The following ADAM10 variants were observed in gnomAD, a reference collection of about 807,000 sequenced individuals.
ADAM10 encodes the protein disintegrin and metalloproteinase domain-containing protein 10.
Under a neutral mutation model 90.1 loss-of-function variants are expected in ADAM10, and 17 were observed. That is an observed-to-expected ratio of 0.19 (90% CI 0.13 to 0.28). ADAM10 has a LOEUF of 0.28. Ranked by LOEUF, ADAM10 falls within the 10% of genes least tolerant of loss-of-function variation. ADAM10 has a pLI of 1.00. For missense variants in ADAM10, 610 were observed against 914.3 expected, an observed-to-expected ratio of 0.67 and a Z score of 4.29; for synonymous variants, 310 against 298.6, an observed-to-expected ratio of 1.04 and a Z score of -0.40.
intron 2 of ADAM10, among the ~76,000 whole-genome samples, chr15:58,689,264 T>C (rs778045069): frequency 5.3e-5 from 8 of 152,190 alleles, no homozygotes; most frequent in East Asian, 1.9e-4. Context: ...GGTGGGCAGA[T>C]TGCCTTAGCT....
intron 1 of ADAM10, among the ~76,000 whole-genome samples, chr15:58,738,430 A>G (rs1160715728): frequency 6.6e-6 from 1 of 152,208 alleles, no homozygotes; most frequent in African/African-American, 2.4e-5. Flanking sequence ...TACTTCTACA[A>G]TGTGAATTCA....
chr15:58,640,976 A>G lies in ADAM10; in HGVS notation c.829-16T>C. 6.2e-7 allele frequency: 1 copy of G among 1,605,230 alleles called. No individual in the cohort carries two copies. Among genetic ancestry groups the G allele is most frequent in the Non-Finnish European group, 8.5e-7 (1 of 1,171,938 alleles). On this transcript the variant is annotated splice_polypyrimidine_tract_variant and intron_variant, in intron 7 of 15. Coordinates refer to ENST00000260408, the MANE Select transcript of ADAM10 (RefSeq NM_001110.4). ...TTGTATTGATCTAAAATCCAAAACA[A>G]TAATTTAGTAAGTAATTAATGTTAG...
At chr15:58,637,950 T>A (rs1460343644) in intron 8 of ADAM10, among the ~76,000 whole-genome samples, 2 of 150,988 alleles carry the variant, frequency 1.3e-5, no homozygotes, top group East Asian at 1.9e-4. Context: ...AAAAAAAAAA[T>A]GTCAAATATG....
intron 1 of ADAM10, chr15:58,748,999 CG>C: frequency 2.5e-6 from 1 of 399,318 alleles, no homozygotes; most frequent in Non-Finnish European, 4.4e-6. Flanking sequence ...CGGGTCTCGG[CG>C]GCGGAGAGGA....
intron 11 of ADAM10, among the ~76,000 whole-genome samples, chr15:58,618,195 A>T (rs1401723201): frequency 6.6e-6 from 1 of 151,848 alleles, no homozygotes; most frequent in Non-Finnish European, 1.5e-5. Context: ...AATGAAACAG[A>T]ATAGAGAATT....
intron 8 of ADAM10, among the ~76,000 whole-genome samples, chr15:58,636,519 A>G (rs1274643933): frequency 6.6e-6 from 1 of 152,214 alleles, no homozygotes; most frequent in Non-Finnish European, 1.5e-5. Context: ...AGATTTTACT[A>G]TACATATATT....
In ADAM10 at chr15:58,610,401, C is replaced by T; in HGVS notation, c.1921G>A (p.Val641Ile). 6.2e-7 allele frequency: 1 copy of T among 1,614,208 alleles called. No homozygotes were observed. Among genetic ancestry groups the T allele is most frequent in the Non-Finnish European group, 8.5e-7 (1 of 1,180,040 alleles). Reference sequence around the variant, plus strand: ...TCTACTAATCTGCACCGCATGAAAACATCACAGTAACCTCTAAAATCGTTG... The same window carrying T: ...TCTACTAATCTGCACCGCATGAAAATATCACAGTAACCTCTAAAATCGTTG... Reference protein sequence around the residue: ...PCNDFRGYCDVFMRCRLVDAD... With the variant: ...PCNDFRGYCDIFMRCRLVDAD... Residue 641 changes from valine (V) to isoleucine (I), a missense_variant, in exon 14 of 16, where the codon GTT becomes ATT. Coordinates refer to ENST00000260408, the MANE Select transcript of ADAM10 (RefSeq NM_001110.4).
At chr15:58,630,092 C>T (rs557823193) in intron 9 of ADAM10, among the ~76,000 whole-genome samples, 1 of 152,214 alleles carries the variant, frequency 6.6e-6, no homozygotes, top group South Asian at 2.1e-4. Flanking sequence ...TACAGTTATA[C>T]ACACCTTTCT....
At chr15:58,727,211 A>T (rs1167061142) in intron 1 of ADAM10, among the ~76,000 whole-genome samples, 1 of 89,942 alleles carries the variant, frequency 1.1e-5, no homozygotes, top group Non-Finnish European at 2.0e-5. Context: ...TTTTTCCCAA[A>T]AACAGCGTTT....
Position 58,703,259 on chromosome 15 carries a change from C to T in ADAM10, c.206+14318G>A, listed in dbSNP as rs146845780. 3.6e-3 allele frequency among the ~76,000 whole-genome samples: 515 copies of T among 142,286 alleles called. 5 individuals carry two copies. Among genetic ancestry groups the T allele is most frequent in the African/African-American group, 0.013 (491 of 38,184 alleles). 93.3% of individuals were successfully genotyped at this position (142,286 alleles called of 152,430 possible). A position where few individuals can be genotyped will look rare whatever the true frequency, so the allele number is the denominator to read the frequency against. The stretch of plus-strand genomic sequence containing the variant: ...AGTATATATTGCCTTATAATGATCA[C>T]TGTATTCCAGGAAAACAATTTGGTA... On this transcript the variant is annotated intron_variant, in intron 2 of 15. Coordinates refer to ENST00000260408, the MANE Select transcript of ADAM10 (RefSeq NM_001110.4).
At chr15:58,659,850 T>A (rs867549670) in intron 5 of ADAM10, among the ~76,000 whole-genome samples, 2 of 152,252 alleles carry the variant, frequency 1.3e-5, no homozygotes, top group Middle Eastern at 3.4e-3. Context: ...CGCCTCAGCC[T>A]CCCCAGTAGC....
At chr15:58,618,997 GGTATACATCCAA>G (rs1361474288) in intron 11 of ADAM10, among the ~76,000 whole-genome samples, 14 of 151,910 alleles carry the variant, frequency 9.2e-5, no homozygotes, top group Non-Finnish European at 1.8e-4. Flanking sequence ...GATCCAGCTG[GGTATACATCCAA>G]AGAAAAGGAA....
At chr15:58,684,635 C>G (rs1897537127) in intron 2 of ADAM10, among the ~76,000 whole-genome samples, 1 of 152,244 alleles carries the variant, frequency 6.6e-6, no homozygotes, top group African/African-American at 2.4e-5. Flanking sequence ...CGCATCTCTT[C>G]CACTTAGGTG....
At chr15:58,670,774 TTA>T (rs1897173842) in intron 4 of ADAM10, among the ~76,000 whole-genome samples, 1 of 152,186 alleles carries the variant, frequency 6.6e-6, no homozygotes, top group African/African-American at 2.4e-5. Flanking sequence ...AATAGCCATT[TTA>T]TATAGTCATT....
intron 1 of ADAM10, among the ~76,000 whole-genome samples, chr15:58,746,699 C>G (rs553724175): frequency 6.6e-6 from 1 of 152,216 alleles, no homozygotes; most frequent in East Asian, 1.9e-4. Flanking sequence ...TCGCTAGGGA[C>G]GAGGAGTTTG....
chr15:58,698,074 C>T (rs1898025077), intron 2 of ADAM10, among the ~76,000 whole-genome samples: 1 of 152,000 alleles, frequency 6.6e-6, no homozygotes, highest in Admixed American at 6.6e-5. Context: ...GACTGTTATA[C>T]CATATGCGCA....
intron 2 of ADAM10, chr15:58,692,378 T>C (rs1481339395): frequency 1.7e-6 from 1 of 593,242 alleles, no homozygotes; most frequent in African/African-American, 1.9e-5. Context: ...TCCCGATCAG[T>C]GTATTTCTCC....
chr15:58,611,712 T>A (rs1218375015), intron 12 of ADAM10, 96 bp downstream of exon 12: 5 of 1,189,446 alleles, frequency 4.2e-6, no homozygotes, highest in Non-Finnish European at 6.0e-6. Context: ...GAGACCAAGA[T>A]TAATTACTTT....
intron 2 of ADAM10, among the ~76,000 whole-genome samples, chr15:58,706,452 G>T (rs550146633): frequency 6.6e-6 from 1 of 152,304 alleles, no homozygotes; most frequent in Admixed American, 6.5e-5. Context: ...TAAGATGCTT[G>T]AGAGAGTCTC....
Sources: gnomAD v4.1 joint callset for allele counts (sites outside exome capture counted in the v4.1 genomes callset) on GRCh38, gnomAD v4.1.1 for gene constraint, MANE v1.5 for transcripts, NCBI Gene and HGNC (gene_info 2026-07-23, HGNC 2026-07-21) for gene names.